The following LYN variants were observed in gnomAD, a reference collection of about 807,000 sequenced individuals.
LYN encodes the protein LYN proto-oncogene, Src family tyrosine kinase, also known as tyrosine-protein kinase Lyn.
Under a neutral mutation model 65.0 loss-of-function variants are expected in LYN, and 12 were observed. The observed-to-expected ratio is 0.18, with a 90% CI of 0.12 to 0.30. The LOEUF (loss-of-function observed/expected upper bound fraction) is 0.30. Among genes scored for constraint, LYN ranks in the 10% least tolerant of loss-of-function variants. LYN has a pLI of 1.00. For missense variants in LYN, 380 were observed against 623.2 expected (o/e 0.61, Z 4.16); for synonymous variants, 222 against 221.2 (o/e 1.00, Z -0.03).
chr8:55,952,834 A>G (rs753149764), intron 7 of LYN, among the ~76,000 whole-genome samples: 1 of 152,198 alleles, frequency 6.6e-6, no homozygotes, highest in Non-Finnish European at 1.5e-5. Flanking sequence ...AGTCAAACGG[A>G]TATAACACTA....
Position 55,911,287 on chromosome 8 carries a change from T to TATA in LYN, c.-5-30568_-5-30567insATA, listed in dbSNP as rs1563506834. On this transcript the variant is annotated intron_variant, in intron 1 of 12. Transcript: ENST00000519728. Reference sequence around the variant, plus strand: ...TATATATATATATATATATATATATTTTTTTTTTTTTTTTAGTAGAGACAG... The same window carrying TATA: ...TATATATATATATATATATATATATTATATTTTTTTTTTTTTTAGTAGAGACAG... Among the ~76,000 whole-genome samples the TATA allele has an allele frequency of 6.2e-3, 159 of 25,606 alleles. 4 individuals carry two copies. Among genetic ancestry groups the TATA allele is most frequent in the Middle Eastern group, 0.026 (1 of 38 alleles). The allele number at this position is 25,606 out of a possible 152,430, so 16.8% of individuals were successfully genotyped here.
intron 8 of LYN, among the ~76,000 whole-genome samples, chr8:55,956,419 T>C (rs1323336390): frequency 6.6e-6 from 1 of 152,196 alleles, no homozygotes; most frequent in Non-Finnish European, 1.5e-5. Context: ...TATTAGCCGG[T>C]CCTATTCTTA....
At position 55,999,509 on chromosome 8, in the gene LYN, C is replaced by A. The variant is rs140976457; in HGVS notation, c.1296C>A (p.Leu432=). The A allele has an allele frequency of 3.8e-5, 61 of 1,613,656 alleles. No homozygotes were observed. In the African/African-American group the frequency reaches 6.1e-4, roughly 16 times the overall value. Residue 432 remains leucine (L), a synonymous_variant, in exon 12 of 13, where the codon CTC becomes CTA. Transcript: ENST00000519728. ...IKSDVWSFGI[L]LYEIVTYGKI... ...CTGATGTGTGGTCCTTTGGAATCCT[C>A]CTATACGAAATTGTCACCTATGGGA...
intron 1 of LYN, among the ~76,000 whole-genome samples, chr8:55,912,018 G>A (rs1045523852): frequency 1.3e-5 from 2 of 152,068 alleles, no homozygotes; most frequent in South Asian, 2.1e-4. Flanking sequence ...AGCCCTTTCC[G>A]CGCTTTCTCC....
At chr8:55,992,373 A>C (rs1193903552) in intron 10 of LYN, among the ~76,000 whole-genome samples, 1 of 152,204 alleles carries the variant, frequency 6.6e-6, no homozygotes, top group East Asian at 1.9e-4. Flanking sequence ...GTCCTGACCT[A>C]AGTTGCAGGA....
intron 12 of LYN, among the ~76,000 whole-genome samples, chr8:56,007,485 C>T (rs1808703369): frequency 6.6e-6 from 1 of 152,218 alleles, no homozygotes; most frequent in Non-Finnish European, 1.5e-5. Flanking sequence ...CAGAATTAGA[C>T]TCAGGAAAAT....
At chr8:55,954,036 A>G in intron 8 of LYN, 52 bp downstream of exon 8, 1 of 1,587,830 alleles carries the variant, frequency 6.3e-7, no homozygotes, top group Non-Finnish European at 8.6e-7. Context: ...TGACAGGAGA[A>G]GTAAAGGCTC....
intron 10 of LYN, among the ~76,000 whole-genome samples, chr8:55,976,563 G>C (rs1015945704): frequency 1.3e-5 from 2 of 152,130 alleles, no homozygotes; most frequent in African/African-American, 4.8e-5. Context: ...GGCATGGAGT[G>C]GGGGACAGGT....
chr8:55,891,828 G>C (rs1029909878), intron 1 of LYN, among the ~76,000 whole-genome samples: 3 of 152,164 alleles, frequency 2.0e-5, no homozygotes, highest in African/African-American at 7.2e-5. Flanking sequence ...TTCTGGCTGG[G>C]TATTTACCTA....
chr8:55,911,102 T>TATATAC (rs373111685), intron 1 of LYN, among the ~76,000 whole-genome samples: 11,545 of 28,772 alleles, frequency 0.4, 2,525 homozygotes, highest in Middle Eastern at 0.53. Context: ...TATATATACA[T>TATATAC]ACACGTATAT....
intron 12 of LYN, among the ~76,000 whole-genome samples, chr8:56,001,577 G>A (rs1343122720): frequency 1.3e-5 from 2 of 152,134 alleles, no homozygotes; most frequent in Admixed American, 6.5e-5. Context: ...TTTAGTGCCA[G>A]CATTTCATCT....
intron 1 of LYN, among the ~76,000 whole-genome samples, chr8:55,908,954 T>A: frequency 6.9e-6 from 1 of 144,998 alleles, no homozygotes; most frequent in Non-Finnish European, 1.5e-5. Flanking sequence ...ATAATTTTAT[T>A]CTTTTTTGTG....
At chr8:55,977,190 A>T (rs140572905) in intron 10 of LYN, among the ~76,000 whole-genome samples, 4,134 of 152,282 alleles carry the variant, frequency 0.027, 209 homozygotes, top group African/African-American at 0.095. Context: ...TGTCTCAAAA[A>T]AAAAATAAAA....
In LYN at chr8:55,891,514, T is replaced by C. The variant is rs540076275; in HGVS notation, c.-6+11411T>C. ...AAATTCATAGAGACAGAAAATAGAA[T>C]GGTGTCTTCCAGGGGCTTGATGGGG... is the stretch of plus-strand genomic sequence containing the variant. On this transcript the variant is annotated intron_variant, in intron 1 of 12. Coordinates refer to ENST00000519728, the MANE Select transcript of LYN (RefSeq NM_002350.4). 3.9e-5 allele frequency among the ~76,000 whole-genome samples: 6 copies of C among 152,220 alleles called. No homozygotes were observed. The East Asian group carries it at 9.7e-4, about 25-fold the overall frequency.
At chr8:55,918,313 A>C (rs2130426668) in intron 1 of LYN, among the ~76,000 whole-genome samples, 1 of 152,308 alleles carries the variant, frequency 6.6e-6, no homozygotes, top group East Asian at 1.9e-4. Flanking sequence ...AATTGCACTT[A>C]TCACCATGCA....
At chr8:56,000,476 C>A (rs1465677968) in intron 12 of LYN, among the ~76,000 whole-genome samples, 9 of 151,982 alleles carry the variant, frequency 5.9e-5, no homozygotes, top group Non-Finnish European at 1.2e-4. Context: ...CACCTGTAAT[C>A]CCAGCACTTT....
chr8:55,979,844 C>T (rs1373961573), intron 10 of LYN, among the ~76,000 whole-genome samples: 1 of 152,236 alleles, frequency 6.6e-6, no homozygotes, highest in East Asian at 1.9e-4. Flanking sequence ...GATGCCACAG[C>T]ATCTCCGGGG....
At chr8:55,962,687 C>T (rs1327260695) in intron 8 of LYN, among the ~76,000 whole-genome samples, 4 of 152,158 alleles carry the variant, frequency 2.6e-5, no homozygotes, top group African/African-American at 9.7e-5. Flanking sequence ...GATCATTTAT[C>T]CATTTATTTC....
intron 1 of LYN, among the ~76,000 whole-genome samples, chr8:55,903,407 AG>A (rs1805333785): frequency 6.6e-6 from 1 of 152,250 alleles, no homozygotes; most frequent in Non-Finnish European, 1.5e-5. Flanking sequence ...GAAAATATTA[AG>A]GCTTCTATAT....
Sources: allele counts gnomAD v4.1 joint callset (sites outside exome capture counted in the v4.1 genomes callset), GRCh38; gene constraint gnomAD v4.1.1; transcripts MANE v1.5; gene names NCBI Gene and HGNC (gene_info 2026-07-23, HGNC 2026-07-21).